The following PKP2 variants were observed in gnomAD, a reference collection of about 807,000 sequenced individuals.
The protein encoded by PKP2 is plakophilin 2.
Under a neutral mutation model 83.4 loss-of-function variants are expected in PKP2, and 73 were observed. The ratio of observed to expected loss-of-function variants is 0.88; its 90% CI spans 0.72 to 1.06. PKP2 has a LOEUF of 1.06. Ranked by LOEUF, PKP2 falls within the 50% of genes least tolerant of loss-of-function variation. PKP2 has a pLI of 0.00. For missense variants in PKP2, 966 were observed against 1,065.4 expected (o/e 0.91, Z 1.30); for synonymous variants, 409 against 430.4 (o/e 0.95, Z 0.62).
rs566753731 is a variant in PKP2, at chr12:32,842,693, G to A, written c.1379-1488C>T. On this transcript the variant is annotated intron_variant, in intron 5 of 12. Transcript: ENST00000340811. ...AATTCCTACTTCTTTTTTCTCCCCC[G>A]AGATGGAGTACTGCTTTGTTGCCAA... Among the ~76,000 whole-genome samples the A allele has an allele frequency of 2.0e-5, 3 of 151,954 alleles. No individual in the cohort carries two copies. In the South Asian group the frequency reaches 6.3e-4, roughly 32 times the overall value.
In PKP2 at chr12:32,878,280, C is replaced by T. The variant is rs781305034; in HGVS notation, c.600G>A (p.Val200=). The T allele has an allele frequency of 6.6e-5, 107 of 1,613,830 alleles. No homozygotes were observed. The East Asian group carries it at 2.4e-3, about 36-fold the overall frequency. The part of the protein sequence containing the change: ...VPPRYARSEI[V]GVSRAGTTSR... ...TTGTGGTGCCAGCACGGCTGACCCC[C>T]ACGATCTCGGAACGAGCATATCTCG... The change falls in exon 3 of 13, where the codon GTG becomes GTA. Residue 200 remains valine (V), a synonymous_variant. Coordinates refer to ENST00000340811, the MANE Select transcript of PKP2 (RefSeq NM_001005242.3).
chr12:32,814,579 C>T (rs1956304264), intron 9 of PKP2, among the ~76,000 whole-genome samples: 1 of 152,184 alleles, frequency 6.6e-6, no homozygotes, highest in Non-Finnish European at 1.5e-5. Context: ...CAATTCTCTC[C>T]TGTCTTAAAT....
rs1368460594 is a variant in PKP2, at chr12:32,791,219, G to C, written c.*1205C>G. ...TTAATGTAGATTCATTTCGCTGGATGATGTCAACCATTTAAAATATCAGTA... is the reference window on the plus strand; with the variant it reads ...TTAATGTAGATTCATTTCGCTGGATCATGTCAACCATTTAAAATATCAGTA... On this transcript the variant is annotated 3_prime_UTR_variant, in exon 13 of 13. Coordinates refer to ENST00000340811, the MANE Select transcript of PKP2 (RefSeq NM_001005242.3). 1.1e-5 allele frequency: 1 copy of C among 93,006 alleles called. No individual in the cohort carries two copies. Among genetic ancestry groups the C allele is most frequent in the African/African-American group, 3.6e-5 (1 of 27,862 alleles). The allele number at this position is 93,006 out of a possible 1,614,324, so 5.8% of individuals were successfully genotyped here. A position where few individuals can be genotyped will look rare whatever the true frequency, so the allele number is the denominator to read the frequency against.
chr12:32,852,735 G>A (rs1374477846), intron 4 of PKP2, among the ~76,000 whole-genome samples: 1 of 152,164 alleles, frequency 6.6e-6, no homozygotes, highest in Non-Finnish European at 1.5e-5. Context: ...AGATGGGAGA[G>A]TGGCCACAGC....
chr12:32,822,569 T>C lies in PKP2; in HGVS notation c.1737A>G (p.Pro579=), dbSNP rs766498974. The C allele has an allele frequency of 4.3e-6, 7 of 1,614,142 alleles. No homozygotes were observed. The highest frequency in any genetic ancestry group is 5.9e-6 in the Non-Finnish European group (7 of 1,179,970). The part of the protein sequence containing the change: ...NLSYQLEAEL[P]EKYSQNIYIQ... ...TATAGATATTCTGGGAATATTTCTC[T>C]GGGAGCTCTGCCTCCAGCTGGTAGG... The change falls in exon 8 of 13, where the codon CCA becomes CCG. Residue 579 remains proline (P), a synonymous_variant. Transcript: ENST00000340811.
chr12:32,817,874 C>T (rs1010497797), intron 9 of PKP2, among the ~76,000 whole-genome samples: 3 of 152,146 alleles, frequency 2.0e-5, no homozygotes, highest in Non-Finnish European at 2.9e-5. Flanking sequence ...GAGCAGTGAG[C>T]GAGTATTATT....
chr12:32,877,823 T>C, intron 3 of PKP2, 23 bp downstream of exon 3: 1 of 1,542,670 alleles, frequency 6.5e-7, no homozygotes, highest in Non-Finnish European at 9.0e-7. Context: ...ATGACTGAAC[T>C]GCAGAGTCAG....
At chr12:32,872,603 T>A (rs953360005) in intron 3 of PKP2, among the ~76,000 whole-genome samples, 3 of 152,128 alleles carry the variant, frequency 2.0e-5, no homozygotes, top group Non-Finnish European at 4.4e-5. Context: ...CCAGCATTCC[T>A]GCCAACTAAC....
chr12:32,815,451 C>A (rs1467930664), intron 9 of PKP2, among the ~76,000 whole-genome samples: 1 of 152,158 alleles, frequency 6.6e-6, no homozygotes, highest in Non-Finnish European at 1.5e-5. Flanking sequence ...CTTTTCTCCA[C>A]CTCAGTGCCT....
intron 9 of PKP2, among the ~76,000 whole-genome samples, chr12:32,819,404 C>G (rs1956355001): frequency 6.6e-6 from 1 of 152,182 alleles, no homozygotes; most frequent in Admixed American, 6.5e-5. Context: ...AATCTCCAAT[C>G]AAGTCCAATT....
chr12:32,837,489 T>C (rs1956553970), intron 6 of PKP2, among the ~76,000 whole-genome samples: 1 of 152,202 alleles, frequency 6.6e-6, no homozygotes, highest in Admixed American at 6.5e-5. Context: ...TGTTAGCTAT[T>C]ATTGTTATAA....
In PKP2 at chr12:32,792,158, A is replaced by G. The variant is rs1013531595; in HGVS notation, c.*266T>C. The stretch of plus-strand genomic sequence containing the variant: ...CCCTTCCACATGAATTCACATTTTG[A>G]TTCCAGGAAGCCATGTACCATAAGC... On this transcript the variant is annotated 3_prime_UTR_variant, in exon 13 of 13. Transcript: ENST00000340811. 3.1e-4 allele frequency: 154 copies of G among 497,562 alleles called. No homozygotes were observed. Among genetic ancestry groups the G allele is most frequent in the Non-Finnish European group, 4.8e-4 (131 of 275,666 alleles). The allele number at this position is 497,562 out of a possible 1,614,324, so 30.8% of individuals were successfully genotyped here.
intron 5 of PKP2, among the ~76,000 whole-genome samples, chr12:32,847,754 G>T (rs141535688): frequency 1.5e-3 from 224 of 152,134 alleles, no homozygotes; most frequent in African/African-American, 5.2e-3. Context: ...GGTCCACAAT[G>T]AAACATAACC....
intron 4 of PKP2, among the ~76,000 whole-genome samples, chr12:32,858,134 T>TATA (rs1956771156): frequency 1.1e-5 from 1 of 93,780 alleles, no homozygotes; most frequent in African/African-American, 4.6e-5. Context: ...TATTTTATAT[T>TATA]TATATATATA....
chr12:32,794,408 G>A (rs572792284), intron 11 of PKP2, among the ~76,000 whole-genome samples: 1 of 152,318 alleles, frequency 6.6e-6, no homozygotes, highest in South Asian at 2.1e-4. Flanking sequence ...CGGTAGGTCA[G>A]ATATATAACA....
At chr12:32,896,470 G>C (rs1957124913) in intron 1 of PKP2, 39 bp downstream of exon 1, 2 of 1,411,206 alleles carry the variant, frequency 1.4e-6, no homozygotes, top group Non-Finnish European at 1.9e-6. Flanking sequence ...CCGGGTGTGG[G>C]GCAGGGGGCG....
At chr12:32,830,175 G>A (rs1310614493) in intron 6 of PKP2, among the ~76,000 whole-genome samples, 3 of 152,144 alleles carry the variant, frequency 2.0e-5, no homozygotes, top group Non-Finnish European at 2.9e-5. Flanking sequence ...ATGAGACATC[G>A]GCTGACATGG....
At chr12:32,796,574 T>A (rs1287630005) in intron 10 of PKP2, among the ~76,000 whole-genome samples, 2 of 152,098 alleles carry the variant, frequency 1.3e-5, no homozygotes, top group East Asian at 1.9e-4. Flanking sequence ...TATTTTTTTT[T>A]ATTTTCAGTA....
chr12:32,878,604 A>C lies in PKP2; in HGVS notation c.337-61T>G, dbSNP rs990759095. The C allele has an allele frequency of 2.3e-6, 3 of 1,325,066 alleles. No individual in the cohort carries two copies. The African/African-American group carries it at 4.4e-5, about 19-fold the overall frequency. 82.1% of individuals were successfully genotyped at this position (1,325,066 alleles called of 1,614,324 possible). A position where few individuals can be genotyped will look rare whatever the true frequency, so the allele number is the denominator to read the frequency against. On this transcript the variant is annotated intron_variant, in intron 2 of 12. Coordinates refer to ENST00000340811, the MANE Select transcript of PKP2 (RefSeq NM_001005242.3). ...AAATCAAATTTCAACTTTGCTGAGG[A>C]CTAATTACTCTGGGACTATTACCCA... is the stretch of plus-strand genomic sequence containing the variant.
Sources: allele counts gnomAD v4.1 joint callset (sites outside exome capture counted in the v4.1 genomes callset), GRCh38; gene constraint gnomAD v4.1.1; transcripts MANE v1.5; gene names NCBI Gene and HGNC (gene_info 2026-07-23, HGNC 2026-07-21).